APLP2: variants seen among roughly 807,000 people sequenced by gnomAD.
The protein encoded by APLP2 is amyloid beta precursor like protein 2.
A neutral mutation model predicts 89.9 loss-of-function variants in APLP2; 53 were observed. The observed-to-expected ratio is 0.59, with a 90% CI of 0.47 to 0.74. APLP2 has a LOEUF of 0.74. Ranked by LOEUF, APLP2 falls within the 30% of genes least tolerant of loss-of-function variation. The pLI, the probability that APLP2 is intolerant of heterozygous loss-of-function variation, is 0.00. For synonymous variants in APLP2, 372 were observed against 348.6 expected, an observed-to-expected ratio of 1.07 and a Z score of -0.75; for missense variants, 973 against 975.9, an observed-to-expected ratio of 1.00 and a Z score of 0.04.
At chr11:130,122,827 C>T (rs1435596155) in intron 6 of APLP2, among the ~76,000 whole-genome samples, 3 of 152,156 alleles carry the variant, frequency 2.0e-5, no homozygotes, top group African/African-American at 7.2e-5. Context: ...AAGGGGAGCT[C>T]CCCTCTTCGA....
intron 3 of APLP2, among the ~76,000 whole-genome samples, chr11:130,119,099 T>G (rs1949533960): frequency 6.6e-6 from 1 of 152,322 alleles, no homozygotes; most frequent in East Asian, 1.9e-4. Flanking sequence ...ATGGCGAGGC[T>G]GGGTGGGTCT....
At chr11:130,098,833 G>T (rs545534379) in intron 1 of APLP2, among the ~76,000 whole-genome samples, 1 of 152,236 alleles carries the variant, frequency 6.6e-6, no homozygotes, top group East Asian at 1.9e-4. Flanking sequence ...TTTGTGCTTG[G>T]ATATTCTACA....
chr11:130,101,639 G>T, intron 1 of APLP2: 1 of 171,476 alleles, frequency 5.8e-6, no homozygotes, highest in Non-Finnish European at 1.3e-5. Flanking sequence ...CATATAATAA[G>T]CAGAATTCAA....
At chr11:130,127,339 G>T (rs1261820442) in intron 8 of APLP2, among the ~76,000 whole-genome samples, 1 of 152,138 alleles carries the variant, frequency 6.6e-6, no homozygotes, top group South Asian at 2.1e-4. Context: ...CTTTTCTTCT[G>T]GATTTACTCA....
Position 130,140,281 on chromosome 11 carries a change from G to A in APLP2, c.1838-117G>A, listed in dbSNP as rs1013797851. The A allele has an allele frequency of 3.8e-4, 245 of 646,520 alleles. 1 individual carries two copies. Among genetic ancestry groups the A allele is most frequent in the Middle Eastern group, 4.4e-4 (1 of 2,274 alleles). 40.0% of individuals were successfully genotyped at this position (646,520 alleles called of 1,614,324 possible). On this transcript the variant is annotated intron_variant, in intron 13 of 16. Transcript: ENST00000338167. ...GTGAACATGGTGGCAGATGAGTCGC[G>A]TGGGGAGGTGCGTGTTGAGGGGCTC...
At chr11:130,096,165 G>T (rs1042580796) in intron 1 of APLP2, among the ~76,000 whole-genome samples, 8 of 152,202 alleles carry the variant, frequency 5.3e-5, no homozygotes, top group African/African-American at 1.9e-4. Context: ...TTAGAATTCA[G>T]GACAGTCATC....
At chr11:130,075,398 C>G (rs1045104833) in intron 1 of APLP2, among the ~76,000 whole-genome samples, 1 of 152,170 alleles carries the variant, frequency 6.6e-6, no homozygotes, top group Admixed American at 6.5e-5. Flanking sequence ...AGCTGACTTT[C>G]ATTTGTAATT....
intron 1 of APLP2, among the ~76,000 whole-genome samples, chr11:130,093,063 A>G (rs910343520): frequency 6.6e-6 from 1 of 152,098 alleles, no homozygotes; most frequent in African/African-American, 2.4e-5. Context: ...AAAAGACTTG[A>G]GGTTTACTTG....
At chr11:130,127,983 C>T (rs1210772383) in intron 9 of APLP2, 143 bp downstream of exon 9, 2 of 674,802 alleles carry the variant, frequency 3.0e-6, no homozygotes, top group Non-Finnish European at 5.0e-6. Flanking sequence ...GCCTGTTTTT[C>T]TTTTTCACCT....
intron 1 of APLP2, chr11:130,070,590 C>T (rs1256453282): frequency 2.2e-6 from 3 of 1,344,848 alleles, no homozygotes; most frequent in Non-Finnish European, 1.9e-6. Flanking sequence ...TGGACGCGGC[C>T]CCGGCCTTCG....
intron 3 of APLP2, among the ~76,000 whole-genome samples, chr11:130,111,506 C>T (rs1948552555): frequency 6.6e-6 from 1 of 152,164 alleles, no homozygotes; most frequent in African/African-American, 2.4e-5. Context: ...CTCCTCTCTC[C>T]CTTCTGTAAA....
At chr11:130,081,829 T>G (rs1377770166) in intron 1 of APLP2, among the ~76,000 whole-genome samples, 1 of 152,224 alleles carries the variant, frequency 6.6e-6, no homozygotes, top group Non-Finnish European at 1.5e-5. Context: ...TTCTCTAATG[T>G]AAACAGCATA....
intron 1 of APLP2, among the ~76,000 whole-genome samples, chr11:130,094,676 G>A (rs1945948440): frequency 6.6e-6 from 1 of 152,148 alleles, no homozygotes; most frequent in Non-Finnish European, 1.5e-5. Flanking sequence ...AAACCTTTTT[G>A]GGATCTGTCA....
chr11:130,122,580 C>T (rs1038266808), intron 6 of APLP2, 67 bp downstream of exon 6: 9 of 1,596,154 alleles, frequency 5.6e-6, no homozygotes, highest in Middle Eastern at 1.7e-4. Context: ...TTTTGCATTG[C>T]GTCTGTCACA....
chr11:130,123,468 TG>T lies in APLP2; in HGVS notation c.923-142del. The T allele has an allele frequency of 1.2e-6, 1 of 802,390 alleles. No individual in the cohort carries two copies. The highest frequency in any genetic ancestry group is 1.9e-6 in the Non-Finnish European group (1 of 518,284). 49.7% of individuals were successfully genotyped at this position (802,390 alleles called of 1,614,324 possible). On this transcript the variant is annotated intron_variant, in intron 6 of 16. Coordinates refer to ENST00000338167, the MANE Select transcript of APLP2 (RefSeq NM_001142276.2). The surrounding 1 kb of genome is among the most constrained non-coding windows in gnomAD (Gnocchi z 4.0). ...TGTCCTCAGCAAGGCTGGCCTGAGCTGGAGCTTTCGGCCACCGGGCCTCCAG... is the reference window on the plus strand; with the variant it reads ...TGTCCTCAGCAAGGCTGGCCTGAGCTGAGCTTTCGGCCACCGGGCCTCCAG...
At position 130,069,974 on chromosome 11, in the gene APLP2, A is replaced by G; in HGVS notation, c.-4A>G. ...AGCCGCGCGCTAGAGCGACCCGGCG[A>G]GGGATGGCGGCCACCGGGACCGCGG... On this transcript the variant is annotated 5_prime_UTR_variant, in exon 1 of 17. Coordinates refer to ENST00000338167, the MANE Select transcript of APLP2 (RefSeq NM_001142276.2). 3 of 1,503,796 alleles carry G rather than the reference A, an allele frequency of 2.0e-6. No individual in the cohort carries two copies. The highest frequency in any genetic ancestry group is 2.7e-6 in the Non-Finnish European group (3 of 1,130,710). 93.2% of individuals were successfully genotyped at this position (1,503,796 alleles called of 1,614,324 possible).
intron 1 of APLP2, among the ~76,000 whole-genome samples, chr11:130,090,146 G>A (rs1463893102): frequency 1.3e-5 from 2 of 151,730 alleles, no homozygotes; most frequent in Non-Finnish European, 2.9e-5. Context: ...TTATGATCTT[G>A]GGAATACTTT....
chr11:130,097,090 C>T (rs1298850344), intron 1 of APLP2, among the ~76,000 whole-genome samples: 1 of 152,174 alleles, frequency 6.6e-6, no homozygotes, highest in Non-Finnish European at 1.5e-5. Context: ...ACATAAATCA[C>T]AGGAAAGATG....
intron 1 of APLP2, among the ~76,000 whole-genome samples, chr11:130,091,245 CG>C (rs1945065794): frequency 1.4e-5 from 1 of 72,982 alleles, no homozygotes; most frequent in African/African-American, 4.3e-5. Context: ...CCCTCCCGCA[CG>C]GGGCGGCTGG....
Sources: allele counts gnomAD v4.1 joint callset (sites outside exome capture counted in the v4.1 genomes callset), GRCh38; gene constraint gnomAD v4.1.1; non-coding constraint Gnocchi (gnomAD v3.1); transcripts MANE v1.5; gene names NCBI Gene and HGNC (gene_info 2026-07-23, HGNC 2026-07-21).